Variants in POM121C observed in about 807,000 individuals in gnomAD.
POM121C encodes POM121 transmembrane nucleoporin C.
POM121C carries 20 observed loss-of-function variants against 66.4 expected under a neutral mutation model. The observed-to-expected ratio is 0.30, with a 90% CI of 0.21 to 0.44. The LOEUF is 0.44. POM121C is among the 20% of genes least tolerant of loss of function. The pLI, the probability that POM121C is intolerant of heterozygous loss-of-function variation, is 1.00. For missense variants in POM121C, 580 were observed against 1,225.7 expected, an observed-to-expected ratio of 0.47 and a Z score of 7.87; for synonymous variants, 286 against 528.0, an observed-to-expected ratio of 0.54 and a Z score of 6.28.
intron 13 of POM121C, chr7:75,420,169 G>A (rs1554470420): frequency 6.6e-6 from 1 of 152,050 alleles, no homozygotes; most frequent in Non-Finnish European, 1.5e-5. Flanking sequence ...CGGTGACTTC[G>A]CCCTGTGGGG....
chr7:75,460,562 G>A (rs1487417478), intron 3 of POM121C, among the ~76,000 whole-genome samples: 1 of 152,034 alleles, frequency 6.6e-6, no homozygotes, highest in Non-Finnish European at 1.5e-5. Context: ...GTAGAGATCA[G>A]TCCCTTCACT....
intron 3 of POM121C, among the ~76,000 whole-genome samples, chr7:75,468,995 T>A (rs192311754): frequency 9.6e-4 from 146 of 152,284 alleles, no homozygotes; most frequent in African/African-American, 2.9e-3. Flanking sequence ...AAATAACAAC[T>A]CCATTCTTAA....
At chr7:75,436,452 A>C (rs1190780343) in intron 7 of POM121C, among the ~76,000 whole-genome samples, 1 of 152,238 alleles carries the variant, frequency 6.6e-6, no homozygotes, top group African/African-American at 2.4e-5. Context: ...TTGCTTATCA[A>C]AAATAATAAC....
chr7:75,434,440 A>G (rs79696200), intron 7 of POM121C, among the ~76,000 whole-genome samples: 3 of 151,808 alleles, frequency 2.0e-5, no homozygotes, highest in Non-Finnish European at 2.9e-5. Flanking sequence ...ACACCTGGTT[A>G]AATTTTTTGT....
intron 3 of POM121C, among the ~76,000 whole-genome samples, chr7:75,455,025 T>C (rs587749428): frequency 6.6e-6 from 1 of 152,348 alleles, no homozygotes; most frequent in East Asian, 1.9e-4. Context: ...TGTGTATCAA[T>C]GTACAGTGTA....
chr7:75,426,072 G>A (rs1310425515), intron 8 of POM121C, among the ~76,000 whole-genome samples: 3 of 150,018 alleles, frequency 2.0e-5, no homozygotes. Context: ...GAAGGCGACT[G>A]CCCGCTGACT....
chr7:75,437,888 G>C (rs1485240758), intron 6 of POM121C, among the ~76,000 whole-genome samples: 1 of 152,156 alleles, frequency 6.6e-6, no homozygotes, highest in East Asian at 1.9e-4. Context: ...ATGATTTATA[G>C]AATATTCTGG....
intron 5 of POM121C, among the ~76,000 whole-genome samples, chr7:75,439,806 C>T (rs1192686392): frequency 1.3e-5 from 2 of 152,144 alleles, no homozygotes; most frequent in Non-Finnish European, 2.9e-5. Context: ...AAATGCTCAC[C>T]CACTTCAACT....
chr7:75,451,097 T>C (rs1313129940), intron 3 of POM121C, among the ~76,000 whole-genome samples: 2 of 152,182 alleles, frequency 1.3e-5, no homozygotes, highest in South Asian at 4.1e-4. Context: ...AAAATGGCTA[T>C]ACTACCCAAA....
At chr7:75,428,532 G>A (rs1207669108) in intron 7 of POM121C, among the ~76,000 whole-genome samples, 1 of 152,220 alleles carries the variant, frequency 6.6e-6, no homozygotes, top group Non-Finnish European at 1.5e-5. Context: ...AGAACTGCTT[G>A]AGCCCAGGAG....
chr7:75,419,079 C>T (rs1255966587), intron 14 of POM121C, among the ~76,000 whole-genome samples, 186 bp from the exon 15 acceptor site: 1 of 152,180 alleles, frequency 6.6e-6, no homozygotes, highest in Non-Finnish European at 1.5e-5. Context: ...AGTCTCAGAG[C>T]GAGGCCCACG....
At chr7:75,456,465 C>T (rs1352477448) in intron 3 of POM121C, among the ~76,000 whole-genome samples, 1 of 152,140 alleles carries the variant, frequency 6.6e-6, no homozygotes, top group Non-Finnish European at 1.5e-5. Flanking sequence ...CCATGTCCAG[C>T]AAGGAGTGAA....
At chr7:75,448,266 C>A (rs1790896291) in intron 3 of POM121C, among the ~76,000 whole-genome samples, 1 of 151,894 alleles carries the variant, frequency 6.6e-6, no homozygotes, top group African/African-American at 2.4e-5. Context: ...TGAAAGAATT[C>A]ATCACCAACA....
At chr7:75,431,920 C>T (rs1310001992) in intron 7 of POM121C, among the ~76,000 whole-genome samples, 3 of 152,028 alleles carry the variant, frequency 2.0e-5, no homozygotes, top group African/African-American at 4.8e-5. Context: ...TGCCACTGCA[C>T]TGTAGCTGTA....
chr7:75,438,673 C>G (rs1281876988), intron 6 of POM121C, among the ~76,000 whole-genome samples: 5 of 152,186 alleles, frequency 3.3e-5, no homozygotes, highest in African/African-American at 1.2e-4. Context: ...ACAGCACAGA[C>G]CAGGAGCACT....
chr7:75,458,289 G>A (rs1791317121), intron 3 of POM121C, among the ~76,000 whole-genome samples: 1 of 152,020 alleles, frequency 6.6e-6, no homozygotes, highest in Admixed American at 6.6e-5. Context: ...CAACACTGTG[G>A]GAGGCCGAGA....
At position 75,424,303 on chromosome 7, in the gene POM121C, C is replaced by T. The variant is rs1554471387; in HGVS notation, c.872-78G>A. ...ACATGCCTGTCGGAGAGCAGGCTCT[C>T]AGCACAGCTCATGGAGGAATGTCTG... On this transcript the variant is annotated intron_variant, in intron 11 of 14. Transcript: ENST00000615331. The T allele has an allele frequency of 3.2e-6, 5 of 1,543,782 alleles. No individual in the cohort carries two copies. In the South Asian group the frequency reaches 4.6e-5, roughly 14 times the overall value.
intron 3 of POM121C, among the ~76,000 whole-genome samples, chr7:75,443,152 A>G (rs1324051992): frequency 1.3e-5 from 2 of 152,186 alleles, no homozygotes; most frequent in African/African-American, 4.8e-5. Flanking sequence ...TTACAAGTTG[A>G]TAACGTGGGA....
intron 12 of POM121C, among the ~76,000 whole-genome samples, 154 bp downstream of exon 12, chr7:75,423,895 C>T (rs1170263222): frequency 2.0e-5 from 3 of 152,218 alleles, no homozygotes; most frequent in African/African-American, 2.4e-5. Flanking sequence ...TGGGCTCCGG[C>T]GCTGTTAAAC....
Sources: gnomAD v4.1 joint callset for allele counts (sites outside exome capture counted in the v4.1 genomes callset) on GRCh38, gnomAD v4.1.1 for gene constraint, MANE v1.5 for transcripts, NCBI Gene and HGNC (gene_info 2026-07-23, HGNC 2026-07-21) for gene names.